The following MTPAP variants were observed in gnomAD, a reference collection of about 807,000 sequenced individuals.
MTPAP encodes the protein poly(A) RNA polymerase, mitochondrial.
MTPAP carries 23 observed loss-of-function variants against 48.7 expected under a neutral mutation model. The observed-to-expected ratio is 0.47, with a 90% CI of 0.34 to 0.67. The LOEUF (loss-of-function observed/expected upper bound fraction) is 0.67, where lower values mean the gene tolerates loss of function less well. Ranked by LOEUF, MTPAP falls within the 30% of genes least tolerant of loss-of-function variation. The probability of loss-of-function intolerance (pLI) is 0.01; values close to 1 mark genes in which losing one functional copy is unlikely to be tolerated. For missense variants in MTPAP, 614 were observed against 694.3 expected (o/e 0.88, Z 1.30); for synonymous variants, 257 against 254.1 (o/e 1.01, Z -0.11).
At position 30,320,140 on chromosome 10, in the gene MTPAP, G is replaced by A. The variant is rs536576821; in HGVS notation, c.1219+2251C>T. On this transcript the variant is annotated intron_variant, in intron 6 of 8. Transcript: ENST00000263063. ...GCTGAGTGAGTGGTGGCACAAGCCT[G>A]TATATCCCAGCTATTGAGGAGGCTG... Among the ~76,000 whole-genome samples the A allele has an allele frequency of 1.0e-3, 153 of 152,308 alleles. 3 individuals are homozygous for A. Among genetic ancestry groups the A allele is most frequent in the Admixed American group, 5.7e-3 (87 of 15,298 alleles).
intron 1 of MTPAP, among the ~76,000 whole-genome samples, chr10:30,346,121 G>A (rs1834871363): frequency 6.6e-6 from 1 of 151,990 alleles, no homozygotes; most frequent in Non-Finnish European, 1.5e-5. Flanking sequence ...CACGTAATGG[G>A]GGAAAAATTA....
Position 30,323,128 on chromosome 10 carries a change from CAAAAAAAAAAAAA to C in MTPAP, c.993-524_993-512del, listed in dbSNP as rs201987154. On this transcript the variant is annotated intron_variant, in intron 5 of 8. Coordinates refer to ENST00000263063, the MANE Select transcript of MTPAP (RefSeq NM_018109.4). ...TGGGAGACAGAGCAAGACTCCGTTT[CAAAAAAAAAAAAA>C]AAAAAAAAAGAAAGAAAATGTAGAT... Among the ~76,000 whole-genome samples the C allele has an allele frequency of 7.5e-3, 652 of 86,546 alleles. 6 individuals carry two copies. The highest frequency in any genetic ancestry group is 0.03 in the African/African-American group (617 of 20,540). 56.8% of individuals were successfully genotyped at this position (86,546 alleles called of 152,430 possible).
chr10:30,329,606 C>G (rs897844281), intron 4 of MTPAP, among the ~76,000 whole-genome samples: 5 of 152,096 alleles, frequency 3.3e-5, no homozygotes, highest in Non-Finnish European at 5.9e-5. Flanking sequence ...ATTCCTGGCC[C>G]TGGGTTCTAT....
At chr10:30,341,097 A>G (rs1196803520) in intron 2 of MTPAP, among the ~76,000 whole-genome samples, 2 of 152,056 alleles carry the variant, frequency 1.3e-5, no homozygotes, top group African/African-American at 4.8e-5. Flanking sequence ...GCAGGACTGT[A>G]GTCCCAGCTA....
At chr10:30,325,407 C>G (rs181690445) in intron 5 of MTPAP, among the ~76,000 whole-genome samples, 3 of 152,254 alleles carry the variant, frequency 2.0e-5, no homozygotes, top group Non-Finnish European at 4.4e-5. Flanking sequence ...GTGAAATGAA[C>G]TCATGCAATG....
At chr10:30,322,311 G>T in intron 6 of MTPAP, 80 bp downstream of exon 6, 1 of 1,190,976 alleles carries the variant, frequency 8.4e-7, no homozygotes, top group East Asian at 2.4e-5. Flanking sequence ...ACAAATAGAC[G>T]GGACTTTGGT....
chr10:30,313,593 C>G lies in MTPAP; in HGVS notation c.*16G>C, dbSNP rs1251168965. 4 of 1,614,014 alleles carry G rather than the reference C, an allele frequency of 2.5e-6. No individual in the cohort carries two copies. The highest frequency in any genetic ancestry group is 1.1e-5 in the South Asian group (1 of 91,078). On this transcript the variant is annotated 3_prime_UTR_variant, in exon 9 of 9. Coordinates refer to ENST00000263063, the MANE Select transcript of MTPAP (RefSeq NM_018109.4). Reference sequence around the variant, plus strand: ...TTGATAGGCTAAGCCCAGTTCTTTACACAATGTAGCAGCCATCATGTCTGA... The same window carrying G: ...TTGATAGGCTAAGCCCAGTTCTTTAGACAATGTAGCAGCCATCATGTCTGA...
At chr10:30,320,238 G>T (rs1411233861) in intron 6 of MTPAP, among the ~76,000 whole-genome samples, 1 of 152,194 alleles carries the variant, frequency 6.6e-6, no homozygotes, top group Non-Finnish European at 1.5e-5. Flanking sequence ...ACTCCAGCCT[G>T]CCTACAAGGT....
At chr10:30,345,790 T>A (rs1240532889) in intron 1 of MTPAP, among the ~76,000 whole-genome samples, 5 of 152,172 alleles carry the variant, frequency 3.3e-5, no homozygotes, top group African/African-American at 1.2e-4. Flanking sequence ...CTCATGCCTG[T>A]AATCCCAGCA....
chr10:30,323,128 CAAAAA>C (rs201987154), intron 5 of MTPAP, among the ~76,000 whole-genome samples: 17 of 86,524 alleles, frequency 2.0e-4, no homozygotes, highest in African/African-American at 4.4e-4. Context: ...GACTCCGTTT[CAAAAA>C]AAAAAAAAAA....
At position 30,320,546 on chromosome 10, in the gene MTPAP, T is replaced by A. The variant is rs1026500344; in HGVS notation, c.1219+1845A>T. 2.0e-5 allele frequency among the ~76,000 whole-genome samples: 3 copies of A among 151,986 alleles called. No homozygotes were observed. The South Asian group carries it at 6.2e-4, about 32-fold the overall frequency. On this transcript the variant is annotated intron_variant, in intron 6 of 8. Coordinates refer to ENST00000263063, the MANE Select transcript of MTPAP (RefSeq NM_018109.4). ...TAAAATAAATAAATAATAAATAAAA[T>A]TTTTAAAAAAATAGTGACCATTTTT...
chr10:30,347,617 C>G (rs1242299382), intron 1 of MTPAP, among the ~76,000 whole-genome samples: 1 of 152,308 alleles, frequency 6.6e-6, no homozygotes, highest in East Asian at 1.9e-4. Context: ...ACTGGCTGGG[C>G]GCGGTGGCTC....
chr10:30,340,349 G>A lies in MTPAP; in HGVS notation c.432C>T (p.Phe144=). 3 of 1,614,160 alleles carry A rather than the reference G, an allele frequency of 1.9e-6. No individual in the cohort carries two copies. The highest frequency in any genetic ancestry group is 8.5e-7 in the Non-Finnish European group (1 of 1,179,998). ...PSTAMETAIP[F]RSRFFNLKLK... is the part of the protein sequence containing the mutation. ...ACTTCAGATTGAAGAAACGTGATCTGAATGGAATTGCAGTCTCCATGGCCG... is the reference window on the plus strand; with the variant it reads ...ACTTCAGATTGAAGAAACGTGATCTAAATGGAATTGCAGTCTCCATGGCCG... The change falls in exon 3 of 9, where the codon TTC becomes TTT. Residue 144 remains phenylalanine (F), a synonymous_variant. Transcript: ENST00000263063.
At chr10:30,339,888 C>T (rs1428418575) in intron 3 of MTPAP, 8 of 321,808 alleles carry the variant, frequency 2.5e-5, no homozygotes, top group Middle Eastern at 1.1e-3. Flanking sequence ...CAATTCACTA[C>T]GTTAAGACAT....
intron 5 of MTPAP, among the ~76,000 whole-genome samples, chr10:30,324,290 A>T (rs1261966298): frequency 1.3e-5 from 2 of 152,152 alleles, no homozygotes; most frequent in East Asian, 3.8e-4. Context: ...CAGGAGGATG[A>T]CTTGAGCCCA....
At chr10:30,349,278 C>CT (rs756946837), upstream of MTPAP, 10 of 879,566 alleles carry the variant, frequency 1.1e-5, no homozygotes, top group African/African-American at 9.2e-5. Context: ...ACCGCCATTG[C>CT]TAAAAAAAAA....
At chr10:30,318,554 C>T (rs1459772878) in intron 6 of MTPAP, among the ~76,000 whole-genome samples, 2 of 151,740 alleles carry the variant, frequency 1.3e-5, no homozygotes, top group Non-Finnish European at 2.9e-5. Context: ...GCACTAAGCA[C>T]AGAAGTAAAT....
At chr10:30,321,404 T>TA (rs1292260367) in intron 6 of MTPAP, among the ~76,000 whole-genome samples, 2 of 152,114 alleles carry the variant, frequency 1.3e-5, no homozygotes, top group Non-Finnish European at 2.9e-5. Context: ...TATCAACACT[T>TA]ACAGTGTTAA....
In MTPAP at chr10:30,333,482, T is replaced by C. The variant is rs559753470; in HGVS notation, c.780+3321A>G. On this transcript the variant is annotated intron_variant, in intron 4 of 8. Coordinates refer to ENST00000263063, the MANE Select transcript of MTPAP (RefSeq NM_018109.4). ...AGCTTGATGCCAGAGCCCAGGCTTT[T>C]TAAACCATTACAACACACTGTTATG... 9.8e-5 allele frequency among the ~76,000 whole-genome samples: 15 copies of C among 152,322 alleles called. No homozygotes were observed. In the South Asian group the frequency reaches 2.9e-3, roughly 30 times the overall value.
Sources: allele counts gnomAD v4.1 joint callset (sites outside exome capture counted in the v4.1 genomes callset), GRCh38; gene constraint gnomAD v4.1.1; transcripts MANE v1.5; gene names NCBI Gene and HGNC (gene_info 2026-07-23, HGNC 2026-07-21).